Variants in RBMS3 observed in about 807,000 individuals in gnomAD.
RBMS3 encodes the protein RNA-binding motif, single-stranded-interacting protein 3.
In RBMS3, 27 loss-of-function variants were observed where a neutral mutation model predicts 66.8. The observed-to-expected ratio is 0.40, with a 90% CI of 0.30 to 0.56. The LOEUF is 0.56. RBMS3 is among the 20% of genes least tolerant of loss of function. The pLI is 0.40. For synonymous variants in RBMS3, 188 were observed against 183.0 expected, an observed-to-expected ratio of 1.03 and a Z score of -0.22; for missense variants, 513 against 549.5, an observed-to-expected ratio of 0.93 and a Z score of 0.66.
At position 29,684,799 on chromosome 3, in the gene RBMS3, C is replaced by G. The variant is rs1207695372; in HGVS notation, c.400-54921C>G. 2.0e-5 allele frequency among the ~76,000 whole-genome samples: 3 copies of G among 151,820 alleles called. No homozygotes were observed. The East Asian group carries it at 5.8e-4, about 29-fold the overall frequency. ...TTATGTACACACACACACACACACA[C>G]ACACACACACACACACAGACACATA... On this transcript the variant is annotated intron_variant, in intron 4 of 14. Transcript: ENST00000383767.
chr3:29,409,549 G>A (rs1306203400), intron 1 of RBMS3, among the ~76,000 whole-genome samples: 1 of 152,196 alleles, frequency 6.6e-6, no homozygotes, highest in East Asian at 1.9e-4. Flanking sequence ...TAGTGGATGG[G>A]TTCCAAAAGG....
intron 12 of RBMS3, among the ~76,000 whole-genome samples, chr3:29,972,269 T>C (rs1697278373): frequency 6.6e-6 from 1 of 152,062 alleles, no homozygotes; most frequent in Non-Finnish European, 1.5e-5. Context: ...TTCATTTTGT[T>C]TTTATATTGC....
At chr3:29,735,256 A>AT (rs1208213989) in intron 4 of RBMS3, among the ~76,000 whole-genome samples, 1 of 152,146 alleles carries the variant, frequency 6.6e-6, no homozygotes, top group Non-Finnish European at 1.5e-5. Context: ...AATAAATCTG[A>AT]TTTTGACAGC....
chr3:29,347,403 A>G (rs1297718583), intron 1 of RBMS3, among the ~76,000 whole-genome samples: 1 of 152,206 alleles, frequency 6.6e-6, no homozygotes, highest in Non-Finnish European at 1.5e-5. Context: ...GCTGACTAAA[A>G]TTGATAGAGG....
chr3:29,590,165 A>G (rs1292389365), intron 4 of RBMS3, among the ~76,000 whole-genome samples: 1 of 151,854 alleles, frequency 6.6e-6, no homozygotes, highest in Non-Finnish European at 1.5e-5. Context: ...CATAGTGGTT[A>G]GGAGCATAGA....
At chr3:29,497,472 T>C (rs954281961) in intron 3 of RBMS3, among the ~76,000 whole-genome samples, 7 of 152,236 alleles carry the variant, frequency 4.6e-5, no homozygotes, top group African/African-American at 1.7e-4. Context: ...GCTTCCTTGC[T>C]CCTGTCTTTC....
intron 1 of RBMS3, among the ~76,000 whole-genome samples, chr3:29,358,470 G>C (rs140501761): frequency 0.11 from 16,709 of 151,928 alleles, 1,055 homozygotes; most frequent in East Asian, 0.22. Context: ...AGTTTGAAGT[G>C]AGGTAGTGTG....
At chr3:29,634,979 T>C (rs780830092) in intron 4 of RBMS3, among the ~76,000 whole-genome samples, 18 of 151,918 alleles carry the variant, frequency 1.2e-4, no homozygotes, top group Non-Finnish European at 2.2e-4. Context: ...GTACTCTAAA[T>C]AGAAGCATTT....
chr3:29,830,650 T>C (rs1576935743), intron 6 of RBMS3, among the ~76,000 whole-genome samples: 1 of 152,192 alleles, frequency 6.6e-6, no homozygotes, highest in Non-Finnish European at 1.5e-5. Context: ...CCATGGTTTT[T>C]TGACTCTTTC....
intron 1 of RBMS3, among the ~76,000 whole-genome samples, chr3:29,421,473 ATATAAAACTCC>A (rs1265680094): frequency 2.0e-5 from 3 of 152,336 alleles, no homozygotes. Flanking sequence ...TATTTCTTGT[ATATAAAACTCC>A]TTTTAATTAA....
intron 4 of RBMS3, among the ~76,000 whole-genome samples, chr3:29,664,504 GT>G (rs1220328213): frequency 2.0e-5 from 3 of 151,966 alleles, no homozygotes; most frequent in African/African-American, 7.2e-5. Context: ...AGTAATCTTA[GT>G]GACAAGTCAT....
chr3:29,956,597 G>A (rs1369629904), intron 12 of RBMS3, among the ~76,000 whole-genome samples: 2 of 152,044 alleles, frequency 1.3e-5, no homozygotes, highest in Non-Finnish European at 2.9e-5. Context: ...AAAAGTGGGG[G>A]AGGTAATACT....
In RBMS3 at chr3:29,654,085, T is replaced by G. The variant is rs369055859; in HGVS notation, c.399+66880T>G. Among the ~76,000 whole-genome samples the G allele has an allele frequency of 1.1e-4, 16 of 152,330 alleles. No homozygotes were observed. The East Asian group carries it at 1.2e-3, about 11-fold the overall frequency. ...AACAGGAAATTGGTAGTAAGTCAAT[T>G]TGAAGGTACTATTTAGCTGGCACTT... is the stretch of plus-strand genomic sequence containing the variant. On this transcript the variant is annotated intron_variant, in intron 4 of 14. Transcript: ENST00000383767.
At chr3:29,292,540 T>C (rs895606254) in intron 1 of RBMS3, among the ~76,000 whole-genome samples, 11 of 151,864 alleles carry the variant, frequency 7.2e-5, no homozygotes, top group Admixed American at 7.2e-4. Flanking sequence ...TCATTCTTGA[T>C]AGCATCTTTT....
chr3:29,794,492 A>G (rs1336055960), intron 6 of RBMS3, among the ~76,000 whole-genome samples: 1 of 152,142 alleles, frequency 6.6e-6, no homozygotes, highest in Non-Finnish European at 1.5e-5. Flanking sequence ...AGGCTGAGGC[A>G]GGAGAATGGC....
chr3:29,605,692 C>A (rs952425296), intron 4 of RBMS3, among the ~76,000 whole-genome samples: 3 of 151,906 alleles, frequency 2.0e-5, no homozygotes, highest in African/African-American at 4.8e-5. Context: ...TTTGGCAGTT[C>A]AGATTCTACA....
At chr3:29,988,571 T>C (rs1698595453) in intron 13 of RBMS3, among the ~76,000 whole-genome samples, 2 of 152,176 alleles carry the variant, frequency 1.3e-5, no homozygotes, top group South Asian at 2.1e-4. Flanking sequence ...TCTAATGCCT[T>C]GTTCCTCAAA....
chr3:29,434,156 A>T (rs1301647050), intron 1 of RBMS3, among the ~76,000 whole-genome samples: 1 of 152,234 alleles, frequency 6.6e-6, no homozygotes, highest in Non-Finnish European at 1.5e-5. Context: ...AACAAGGAAC[A>T]TTCAATGTAA....
intron 2 of RBMS3, among the ~76,000 whole-genome samples, chr3:29,439,167 G>A (rs2041514888): frequency 6.6e-6 from 1 of 152,150 alleles, no homozygotes; most frequent in Admixed American, 6.5e-5. Context: ...GGGGCAAAAT[G>A]AGCTAGAAAA....
Sources: allele counts gnomAD v4.1 joint callset (sites outside exome capture counted in the v4.1 genomes callset), GRCh38; gene constraint gnomAD v4.1.1; transcripts MANE v1.5; gene names NCBI Gene and HGNC (gene_info 2026-07-23, HGNC 2026-07-21).